Variants in APBB2 observed in about 807,000 individuals in gnomAD.
APBB2 encodes amyloid beta precursor protein binding family B member 2, also known as Fe65-like 1.
A neutral mutation model predicts 82.5 loss-of-function variants in APBB2; 38 were observed. The ratio of observed to expected loss-of-function variants is 0.46; its 90% CI spans 0.36 to 0.60. The LOEUF (loss-of-function observed/expected upper bound fraction) is 0.60, where lower values mean the gene tolerates loss of function less well. Among genes scored for constraint, APBB2 ranks in the 20% least tolerant of loss-of-function variants. APBB2 has a pLI of 0.00. For synonymous variants in APBB2, 341 were observed against 368.2 expected, an observed-to-expected ratio of 0.93 and a Z score of 0.85; for missense variants, 772 against 972.3, an observed-to-expected ratio of 0.79 and a Z score of 2.74.
At chr4:40,888,395 C>T (rs1411285511) in intron 12 of APBB2, among the ~76,000 whole-genome samples, 1 of 152,254 alleles carries the variant, frequency 6.6e-6, no homozygotes, top group Non-Finnish European at 1.5e-5. Context: ...ACAATCTGAC[C>T]TTAGGAAAAC....
At position 41,010,699 on chromosome 4, in the gene APBB2, T is replaced by C. The variant is rs148475699; in HGVS notation, c.835+2884A>G. On this transcript the variant is annotated intron_variant, in intron 6 of 17. Transcript: ENST00000508593. ...CTTGCTAAATAAATCGTGGAACTTG[T>C]ATATAGTGGAATAGTATACATAATA... 1.4e-3 allele frequency among the ~76,000 whole-genome samples: 217 copies of C among 152,308 alleles called. 1 individual carries two copies. The East Asian group carries it at 0.017, about 12-fold the overall frequency.
At chr4:41,104,602 C>A (rs1193301627) in intron 2 of APBB2, among the ~76,000 whole-genome samples, 1 of 151,842 alleles carries the variant, frequency 6.6e-6, no homozygotes, top group Non-Finnish European at 1.5e-5. Flanking sequence ...AGCATAATAC[C>A]CAATAGGTAG....
intron 6 of APBB2, among the ~76,000 whole-genome samples, chr4:40,978,995 G>A (rs1463641196): frequency 6.6e-6 from 1 of 152,052 alleles, no homozygotes; most frequent in Non-Finnish European, 1.5e-5. Flanking sequence ...TAATACTGGA[G>A]CCAAAGGATT....
At chr4:41,078,414 T>G (rs1189529171) in intron 3 of APBB2, among the ~76,000 whole-genome samples, 1 of 152,190 alleles carries the variant, frequency 6.6e-6, no homozygotes, top group African/African-American at 2.4e-5. Flanking sequence ...AGTTCATCAA[T>G]GAAACATATA....
intron 12 of APBB2, 22 bp downstream of exon 12, chr4:40,890,342 A>C (rs1306855953): frequency 1.2e-5 from 20 of 1,607,822 alleles, no homozygotes; most frequent in East Asian, 2.2e-5. Context: ...GGTGACCCAG[A>C]CTGCCCCACC....
chr4:40,931,737 T>C (rs1045530089), intron 10 of APBB2, among the ~76,000 whole-genome samples: 4 of 152,160 alleles, frequency 2.6e-5, no homozygotes, highest in African/African-American at 9.7e-5. Context: ...GATCTTTCCT[T>C]ACTCTCTATA....
At chr4:40,977,199 C>T (rs989251224) in intron 6 of APBB2, among the ~76,000 whole-genome samples, 2 of 152,162 alleles carry the variant, frequency 1.3e-5, no homozygotes, top group Non-Finnish European at 2.9e-5. Flanking sequence ...ATGCAAAGCA[C>T]CTTGCTAGAT....
At chr4:40,982,253 A>AGAAAGAAG (rs1798790803) in intron 6 of APBB2, among the ~76,000 whole-genome samples, 3 of 13,092 alleles carry the variant, frequency 2.3e-4, no homozygotes, top group Non-Finnish European at 3.7e-4. Flanking sequence ...AAAGAAAGAA[A>AGAAAGAAG]GAAAGAAAGA....
At chr4:41,077,869 A>C (rs1164780428) in intron 3 of APBB2, among the ~76,000 whole-genome samples, 2 of 152,198 alleles carry the variant, frequency 1.3e-5, no homozygotes, top group South Asian at 2.1e-4. Flanking sequence ...AACAGTCCAG[A>C]ACAGAATGAG....
At chr4:40,969,387 G>T (rs987584907) in intron 6 of APBB2, among the ~76,000 whole-genome samples, 1 of 152,190 alleles carries the variant, frequency 6.6e-6, no homozygotes, top group Non-Finnish European at 1.5e-5. Context: ...CCACATTCAT[G>T]AGTTTAGAAT....
At chr4:41,168,027 T>G (rs1767145015) in intron 1 of APBB2, among the ~76,000 whole-genome samples, 1 of 152,088 alleles carries the variant, frequency 6.6e-6, no homozygotes, top group African/African-American at 2.4e-5. Flanking sequence ...TCCCAGTACT[T>G]TGGGAGGCCG....
At chr4:40,901,277 T>C (rs751437058) in intron 10 of APBB2, among the ~76,000 whole-genome samples, 15 of 152,086 alleles carry the variant, frequency 9.9e-5, no homozygotes, top group Non-Finnish European at 1.2e-4. Flanking sequence ...CCAAAGGAAA[T>C]AGGTGAGAAA....
chr4:40,913,548 G>T (rs1779093495), intron 10 of APBB2, among the ~76,000 whole-genome samples: 3 of 152,124 alleles, frequency 2.0e-5, no homozygotes, highest in Admixed American at 2.0e-4. Flanking sequence ...TCACCTACTT[G>T]CTAAAGTTTA....
At chr4:40,936,933 C>T (rs1414518301) in intron 7 of APBB2, among the ~76,000 whole-genome samples, 4 of 152,094 alleles carry the variant, frequency 2.6e-5, no homozygotes, top group Non-Finnish European at 5.9e-5. Context: ...GAGAAAGATG[C>T]CCAATTTTTC....
At chr4:40,880,783 CTT>C (rs1768245642) in intron 12 of APBB2, 1 of 985,436 alleles carries the variant, frequency 1.0e-6, no homozygotes, top group African/African-American at 1.7e-5. Flanking sequence ...TCTGCTCTCT[CTT>C]GACACAACAG....
intron 6 of APBB2, among the ~76,000 whole-genome samples, chr4:40,997,694 T>G (rs1804016266): frequency 6.6e-6 from 1 of 152,202 alleles, no homozygotes. Context: ...GTGTTGACAT[T>G]TAAGTGATAG....
intron 12 of APBB2, among the ~76,000 whole-genome samples, chr4:40,858,568 G>A (rs569255120): frequency 3.3e-5 from 5 of 151,744 alleles, no homozygotes; most frequent in African/African-American, 9.7e-5. Flanking sequence ...CAGAAAATAG[G>A]AAATACACAT....
chr4:40,828,660 A>G (rs1386662402), intron 13 of APBB2, among the ~76,000 whole-genome samples: 3 of 152,012 alleles, frequency 2.0e-5, no homozygotes, highest in Non-Finnish European at 2.9e-5. Context: ...ATTCCATTCT[A>G]TGTGTTGCAT....
chr4:40,995,179 C>T (rs1001061801), intron 6 of APBB2, among the ~76,000 whole-genome samples: 2 of 152,086 alleles, frequency 1.3e-5, no homozygotes, highest in Admixed American at 6.5e-5. Context: ...GTTTCCTATG[C>T]AGTTGAGTAA....
Sources: allele counts gnomAD v4.1 joint callset (sites outside exome capture counted in the v4.1 genomes callset), GRCh38; gene constraint gnomAD v4.1.1; transcripts MANE v1.5; gene names NCBI Gene and HGNC (gene_info 2026-07-23, HGNC 2026-07-21).